The following STXBP5L variants were observed in gnomAD, a reference collection of about 807,000 sequenced individuals.
STXBP5L encodes syntaxin-binding protein 5-like.
In STXBP5L, 65 loss-of-function variants were observed where a neutral mutation model predicts 144.5. The observed-to-expected ratio is 0.45, with a 90% confidence interval of 0.37 to 0.55. The LOEUF (loss-of-function observed/expected upper bound fraction) is 0.55. Among genes scored for constraint, STXBP5L ranks in the 20% least tolerant of loss-of-function variants. The pLI, the probability that STXBP5L is intolerant of heterozygous loss-of-function variation, is 0.00. For synonymous variants in STXBP5L, 505 were observed against 469.6 expected, an observed-to-expected ratio of 1.08 and a Z score of -0.97; for missense variants, 1,298 against 1,405.5, an observed-to-expected ratio of 0.92 and a Z score of 1.22.
chr3:121,378,893 T>C lies in STXBP5L; in HGVS notation c.2347+7T>C. Reference sequence around the variant, plus strand: ...TTACCAGTTACAACAGAAGGTATGTTAAACATATTAAATTTTTTTGTTACA... The same window carrying C: ...TTACCAGTTACAACAGAAGGTATGTCAAACATATTAAATTTTTTTGTTACA... On this transcript the variant is annotated splice_region_variant and intron_variant, in intron 21 of 26. Coordinates refer to ENST00000471454, the MANE Select transcript of STXBP5L (RefSeq NM_001308330.2). 1 of 1,603,350 alleles carries C rather than the reference T, an allele frequency of 6.2e-7. No individual in the cohort carries two copies. Among genetic ancestry groups the C allele is most frequent in the Non-Finnish European group, 8.5e-7 (1 of 1,174,458 alleles).
At chr3:120,914,458 C>A (rs590436) in intron 2 of STXBP5L, among the ~76,000 whole-genome samples, 2 of 151,810 alleles carry the variant, frequency 1.3e-5, no homozygotes, top group Non-Finnish European at 2.9e-5. Flanking sequence ...AATATCAGAT[C>A]GTACCAGGTA....
chr3:121,132,230 C>T (rs1486177662), intron 7 of STXBP5L, among the ~76,000 whole-genome samples: 2 of 152,192 alleles, frequency 1.3e-5, no homozygotes, highest in African/African-American at 4.8e-5. Flanking sequence ...AAAATCCCAG[C>T]TCTCAGCTTA....
Position 120,923,242 on chromosome 3 carries a change from T to C in STXBP5L, c.189+13475T>C, listed in dbSNP as rs565155573. ...GGTATTTATTTGGATATTCTTTTTTTCTTAGTCTAGCTAAAGGTTTGTCTA... is the reference window on the plus strand; with the variant it reads ...GGTATTTATTTGGATATTCTTTTTTCCTTAGTCTAGCTAAAGGTTTGTCTA... On this transcript the variant is annotated intron_variant, in intron 2 of 26. Coordinates refer to ENST00000471454, the MANE Select transcript of STXBP5L (RefSeq NM_001308330.2). 6.6e-5 allele frequency among the ~76,000 whole-genome samples: 10 copies of C among 152,158 alleles called. No individual in the cohort carries two copies. The South Asian group carries it at 1.9e-3, about 28-fold the overall frequency.
At chr3:120,992,860 T>A (rs1488489025) in intron 3 of STXBP5L, among the ~76,000 whole-genome samples, 1 of 152,128 alleles carries the variant, frequency 6.6e-6, no homozygotes, top group African/African-American at 2.4e-5. Context: ...TATTTTTAGC[T>A]TTTTGAGGAA....
chr3:121,189,522 A>G (rs576468502), intron 9 of STXBP5L, among the ~76,000 whole-genome samples: 4 of 152,316 alleles, frequency 2.6e-5, no homozygotes, highest in African/African-American at 7.2e-5. Context: ...GTCAAAGATC[A>G]GATGGTTGTA....
intron 20 of STXBP5L, among the ~76,000 whole-genome samples, chr3:121,372,128 G>C (rs1276609545): frequency 2.0e-5 from 3 of 152,150 alleles, no homozygotes; most frequent in Non-Finnish European, 4.4e-5. Flanking sequence ...GGAGCACTCT[G>C]CCAGTCAGGC....
At chr3:121,241,089 C>CCAT (rs1397785499) in intron 14 of STXBP5L, among the ~76,000 whole-genome samples, 1 of 152,018 alleles carries the variant, frequency 6.6e-6, no homozygotes, top group African/African-American at 2.4e-5. Flanking sequence ...ACATATAAGA[C>CCAT]AAACATAAGA....
At chr3:120,935,125 A>G (rs989314498) in intron 2 of STXBP5L, among the ~76,000 whole-genome samples, 6 of 151,068 alleles carry the variant, frequency 4.0e-5, no homozygotes, top group South Asian at 2.1e-4. Context: ...AGCATTTTAT[A>G]TCATTCAATT....
At chr3:121,116,478 C>A (rs897941375) in intron 6 of STXBP5L, among the ~76,000 whole-genome samples, 2 of 152,056 alleles carry the variant, frequency 1.3e-5, no homozygotes, top group Non-Finnish European at 2.9e-5. Context: ...TGCTCCAGAG[C>A]AGGATTTTTG....
chr3:121,260,082 C>A (rs2050335958), intron 18 of STXBP5L, among the ~76,000 whole-genome samples: 1 of 152,116 alleles, frequency 6.6e-6, no homozygotes, highest in Non-Finnish European at 1.5e-5. Context: ...AGAATGTCTA[C>A]TTTCCTACAA....
intron 20 of STXBP5L, among the ~76,000 whole-genome samples, chr3:121,319,015 A>G (rs1175460300): frequency 2.0e-5 from 3 of 152,200 alleles, no homozygotes; most frequent in East Asian, 1.9e-4. Flanking sequence ...ACATCAAGAC[A>G]AAGTGTGCAC....
intron 20 of STXBP5L, among the ~76,000 whole-genome samples, chr3:121,375,515 T>C (rs1328371707): frequency 1.3e-5 from 2 of 152,128 alleles, no homozygotes; most frequent in Non-Finnish European, 2.9e-5. Flanking sequence ...TTCTTACTGA[T>C]TTTTTCTGAG....
intron 14 of STXBP5L, among the ~76,000 whole-genome samples, chr3:121,250,112 T>G (rs1029092060): frequency 3.3e-5 from 5 of 152,072 alleles, no homozygotes; most frequent in African/African-American, 7.2e-5. Context: ...TTGACAATTT[T>G]TATGCCTATT....
intron 3 of STXBP5L, among the ~76,000 whole-genome samples, chr3:120,972,550 A>G (rs534907990): frequency 8.1e-4 from 123 of 152,116 alleles, no homozygotes; most frequent in African/African-American, 2.9e-3. Context: ...TCCAGTTTGC[A>G]TGCCTCTTAT....
intron 5 of STXBP5L, among the ~76,000 whole-genome samples, chr3:121,051,748 G>T (rs1258492256): frequency 6.6e-6 from 1 of 152,062 alleles, no homozygotes; most frequent in East Asian, 1.9e-4. Flanking sequence ...GAGCAGAACT[G>T]AAGGAAATAG....
chr3:121,263,547 C>T (rs1400446971), intron 18 of STXBP5L, among the ~76,000 whole-genome samples: 1 of 151,992 alleles, frequency 6.6e-6, no homozygotes, highest in African/African-American at 2.4e-5. Context: ...ATGTTCTAAC[C>T]CAATGCAGGG....
chr3:121,079,569 ATTCC>A (rs1473633990), intron 5 of STXBP5L, among the ~76,000 whole-genome samples: 6 of 152,348 alleles, frequency 3.9e-5, no homozygotes, highest in Admixed American at 3.3e-4. Flanking sequence ...GATTTTATTA[ATTCC>A]TTCTTCAAAC....
At chr3:121,363,804 G>A (rs573251560) in intron 20 of STXBP5L, among the ~76,000 whole-genome samples, 1 of 152,162 alleles carries the variant, frequency 6.6e-6, no homozygotes, top group African/African-American at 2.4e-5. Context: ...CTGGGGTCAA[G>A]GGGAGATGAT....
chr3:121,095,728 C>G (rs1037757922), intron 5 of STXBP5L, among the ~76,000 whole-genome samples: 1 of 152,012 alleles, frequency 6.6e-6, no homozygotes, highest in African/African-American at 2.4e-5. Flanking sequence ...GCGATGGGTT[C>G]GAACTTCCTC....
Sources: allele counts gnomAD v4.1 joint callset (sites outside exome capture counted in the v4.1 genomes callset), GRCh38; gene constraint gnomAD v4.1.1; transcripts MANE v1.5; gene names NCBI Gene and HGNC (gene_info 2026-07-23, HGNC 2026-07-21).